NOMO1: variants seen among roughly 807,000 people sequenced by gnomAD.
NOMO1 encodes nodal modulator 3.
NOMO1 carries 40 observed loss-of-function variants against 133.8 expected under a neutral mutation model. The observed-to-expected ratio is 0.30, with a 90% CI of 0.23 to 0.39. The LOEUF (loss-of-function observed/expected upper bound fraction) is 0.39, where lower values mean the gene tolerates loss of function less well. NOMO1 is among the 10% of genes least tolerant of loss of function. The pLI is 1.00. For missense variants in NOMO1, 462 were observed against 1,419.9 expected, an observed-to-expected ratio of 0.33 and a Z score of 10.84; for synonymous variants, 236 against 570.5, an observed-to-expected ratio of 0.41 and a Z score of 8.36.
At chr16:14,842,001 G>A (rs1476530942) in intron 3 of NOMO1, among the ~76,000 whole-genome samples, 2 of 151,946 alleles carry the variant, frequency 1.3e-5, no homozygotes, top group East Asian at 1.9e-4. Context: ...GTTCAGAGGG[G>A]CTGGCACGTA....
At chr16:14,887,683 G>C (rs1361889839) in intron 28 of NOMO1, among the ~76,000 whole-genome samples, 1 of 151,942 alleles carries the variant, frequency 6.6e-6, no homozygotes, top group Non-Finnish European at 1.5e-5. Flanking sequence ...CCTACTGTTG[G>C]GCATGATCGA....
intron 2 of NOMO1, 107 bp downstream of exon 2, chr16:14,838,603 A>C: frequency 9.2e-7 from 1 of 1,092,418 alleles, no homozygotes; most frequent in Non-Finnish European, 1.3e-6. Flanking sequence ...TCTGTTTTGT[A>C]AATTATTAGT....
intron 2 of NOMO1, among the ~76,000 whole-genome samples, chr16:14,840,274 TAGTATC>T (rs1224811352): frequency 1.4e-5 from 1 of 72,556 alleles, no homozygotes. Flanking sequence ...AATTTTTAAA[TAGTATC>T]AGTATCAGTC....
Position 14,866,821 on chromosome 16 carries a change from A to G in NOMO1, c.1806+130A>G, listed in dbSNP as rs1392249729. 2.5e-5 allele frequency: 40 copies of G among 1,592,040 alleles called. No individual in the cohort carries two copies. In the Admixed American group the frequency reaches 6.2e-4, roughly 25 times the overall value. On this transcript the variant is annotated intron_variant, in intron 15 of 30. Transcript: ENST00000287667. ...TCCTTTTCTGCCTCTCCACTCGCCC[A>G]CCTGTTACGCAACGCATAATCAGGA...
chr16:14,836,208 C>T (rs1321412714), intron 1 of NOMO1, among the ~76,000 whole-genome samples: 1 of 152,040 alleles, frequency 6.6e-6, no homozygotes, highest in African/African-American at 2.4e-5. Flanking sequence ...TTTCCAGTCC[C>T]TGCCTTAAAT....
chr16:14,857,105 G>A, intron 9 of NOMO1, 112 bp from the exon 10 acceptor site: 1 of 1,378,850 alleles, frequency 7.3e-7, no homozygotes, highest in East Asian at 2.4e-5. Context: ...GTGTTGGGAG[G>A]TGGGCGGCAG....
chr16:14,837,882 C>T (rs1963542839), intron 1 of NOMO1, among the ~76,000 whole-genome samples: 1 of 103,336 alleles, frequency 9.7e-6, no homozygotes, highest in African/African-American at 3.8e-5. Context: ...TCCCAAGTAC[C>T]TGGGACTACC....
intron 23 of NOMO1, 131 bp downstream of exon 23, chr16:14,878,965 G>C (rs1443311987): frequency 8.5e-6 from 9 of 1,060,292 alleles, no homozygotes; most frequent in African/African-American, 1.6e-5. Context: ...AGTTTCTTGG[G>C]GGCCCACGGT....
chr16:14,883,397 C>T (rs900287419), intron 26 of NOMO1, among the ~76,000 whole-genome samples: 30 of 150,972 alleles, frequency 2.0e-4, no homozygotes, highest in African/African-American at 7.3e-4. Context: ...AGTGCAGTGC[C>T]GTGATCTCGG....
In NOMO1 at chr16:14,878,819, G is replaced by C; in HGVS notation, c.2742G>C (p.Leu914=). Residue 914 remains leucine, a synonymous_variant, in exon 23 of 31, where the codon CTG becomes CTC. Coordinates refer to ENST00000287667, the MANE Select transcript of NOMO1 (RefSeq NM_014287.4). The part of the protein sequence containing the change: ...SNLLTQDNGI[L]TFSNLSPGQY... ...TCTTGACCCAGGACAACGGCATTCTGACATTCTCAAACCTGGTAACGTGTT... is the reference window on the plus strand; with the variant it reads ...TCTTGACCCAGGACAACGGCATTCTCACATTCTCAAACCTGGTAACGTGTT... 1 of 1,611,820 alleles carries C rather than the reference G, an allele frequency of 6.2e-7. No individual in the cohort carries two copies. The highest frequency in any genetic ancestry group is 8.5e-7 in the Non-Finnish European group (1 of 1,179,820).
chr16:14,883,822 T>G (rs921599682), intron 26 of NOMO1, among the ~76,000 whole-genome samples: 1 of 150,792 alleles, frequency 6.6e-6, no homozygotes, highest in Non-Finnish European at 1.5e-5. Flanking sequence ...GCAAACTCCA[T>G]GTACAGACCT....
intron 9 of NOMO1, 74 bp from the exon 10 acceptor site, chr16:14,857,143 G>A (rs1963851467): frequency 1.1e-5 from 18 of 1,608,460 alleles, no homozygotes; most frequent in South Asian, 5.5e-5. Context: ...GGTGGCCGGC[G>A]CAGCAGAAGG....
At chr16:14,839,271 G>A (rs1963569419) in intron 2 of NOMO1, among the ~76,000 whole-genome samples, 1 of 151,810 alleles carries the variant, frequency 6.6e-6, no homozygotes, top group Non-Finnish European at 1.5e-5. Flanking sequence ...GGCCAGGCTG[G>A]TCTCGAACTC....
intron 1 of NOMO1, among the ~76,000 whole-genome samples, chr16:14,838,111 G>T (rs1333411571): frequency 6.6e-6 from 1 of 151,330 alleles, no homozygotes; most frequent in African/African-American, 2.4e-5. Context: ...ATTTGTTTTA[G>T]ACCCGGAAAC....
intron 18 of NOMO1, among the ~76,000 whole-genome samples, chr16:14,874,439 G>T (rs1467168467): frequency 6.6e-6 from 1 of 152,044 alleles, no homozygotes; most frequent in Non-Finnish European, 1.5e-5. Context: ...CCAGAGAGCT[G>T]CGTGGCGCAT....
intron 26 of NOMO1, among the ~76,000 whole-genome samples, chr16:14,883,405 C>T (rs997265889): frequency 6.7e-6 from 1 of 150,312 alleles, no homozygotes; most frequent in East Asian, 2.0e-4. Context: ...GCCGTGATCT[C>T]GGCTCACTGC....
chr16:14,882,846 T>G (rs191170159), intron 26 of NOMO1, among the ~76,000 whole-genome samples, 169 bp downstream of exon 26: 1 of 152,014 alleles, frequency 6.6e-6, no homozygotes, highest in East Asian at 1.9e-4. Context: ...CTTATGTGGG[T>G]TTTTAATGAA....
At chr16:14,892,447 G>T (rs886283927) in intron 29 of NOMO1, among the ~76,000 whole-genome samples, 4 of 151,664 alleles carry the variant, frequency 2.6e-5, no homozygotes, top group Middle Eastern at 3.4e-3. Context: ...GGAATGTGGA[G>T]ACACTGCTTG....
chr16:14,875,070 G>A lies in NOMO1; in HGVS notation c.2089G>A (p.Gly697Ser), dbSNP rs770828440. Residue 697 changes from glycine to serine, a missense_variant, in exon 19 of 31, where the codon GGC (glycine) becomes AGC (serine). By Grantham distance (56) the Gly-to-Ser change is moderately conservative. Coordinates refer to ENST00000287667, the MANE Select transcript of NOMO1 (RefSeq NM_014287.4). The part of the protein sequence containing the change: ...SIDSEPALVL[G>S]PLKSVQELRR... ...CGACAGTGAACCCGCCTTGGTCTTA[G>A]GCCCTCTGAAGTCTGTGCAGGAGCT... 2.5e-6 allele frequency: 4 copies of A among 1,613,674 alleles called. No homozygotes were observed.
Sources: gnomAD v4.1 joint callset for allele counts (sites outside exome capture counted in the v4.1 genomes callset) on GRCh38, gnomAD v4.1.1 for gene constraint, MANE v1.5 for transcripts, NCBI Gene and HGNC (gene_info 2026-07-23, HGNC 2026-07-21) for gene names.